The following NSD1 variants were observed in gnomAD, a reference collection of about 807,000 sequenced individuals.
The protein encoded by NSD1 is histone-lysine N-methyltransferase, H3 lysine-36 specific.
Under a neutral mutation model 242.7 loss-of-function variants are expected in NSD1, and 26 were observed. That is an observed-to-expected ratio of 0.11 (90% confidence interval 0.08 to 0.15). The LOEUF (loss-of-function observed/expected upper bound fraction) is 0.15, where lower values mean the gene tolerates loss of function less well. Among genes scored for constraint, NSD1 ranks in the 10% least tolerant of loss-of-function variants. NSD1 has a pLI of 1.00. For missense variants in NSD1, 2,495 were observed against 3,272.8 expected, an observed-to-expected ratio of 0.76 and a Z score of 5.80; for synonymous variants, 1,106 against 1,178.1, an observed-to-expected ratio of 0.94 and a Z score of 1.25.
At chr5:177,273,895 A>T in intron 17 of NSD1, 111 bp downstream of exon 17, 1 of 736,110 alleles carries the variant, frequency 1.4e-6, no homozygotes, top group Non-Finnish European at 2.4e-6. Context: ...TTTTAGGTAG[A>T]GGTATGAGCT....
intron 15 of NSD1, among the ~76,000 whole-genome samples, chr5:177,268,880 A>G (rs768673202): frequency 9.2e-5 from 14 of 152,056 alleles, no homozygotes; most frequent in Non-Finnish European, 1.6e-4. Flanking sequence ...TGTCTAGTTC[A>G]CTTATCCATT....
At position 177,238,123 on chromosome 5, in the gene NSD1, C is replaced by T; in HGVS notation, c.3922-114C>T. ...ATACATAATGTCTTCAAGGTTCATC[C>T]ACTTTTTGTAGCCTTTGTCAGAATT... is the stretch of plus-strand genomic sequence containing the variant. On this transcript the variant is annotated intron_variant, in intron 6 of 22. Transcript: ENST00000439151. This position sits in a 1 kb window ranked among gnomAD's most constrained non-coding sequence, Gnocchi z 4.6. 1.7e-6 allele frequency: 2 copies of T among 1,183,122 alleles called. No homozygotes were observed. The highest frequency in any genetic ancestry group is 1.2e-5 in the South Asian group (1 of 80,910). The allele number at this position is 1,183,122 out of a possible 1,614,324, so 73.3% of individuals were successfully genotyped here.
intron 3 of NSD1, among the ~76,000 whole-genome samples, chr5:177,203,159 G>A (rs572265959): frequency 9.2e-5 from 14 of 152,108 alleles, no homozygotes; most frequent in Middle Eastern, 3.4e-3. Context: ...ATGAATTTTC[G>A]TATAAAATGA....
chr5:177,279,623 T>A (rs1301574134), intron 17 of NSD1, among the ~76,000 whole-genome samples: 2 of 115,604 alleles, frequency 1.7e-5, no homozygotes, highest in Non-Finnish European at 3.7e-5. Flanking sequence ...TTTTTTTTTT[T>A]TTTTTTTTTT....
At chr5:177,175,270 A>C (rs138217600) in intron 2 of NSD1, among the ~76,000 whole-genome samples, 2 of 152,266 alleles carry the variant, frequency 1.3e-5, no homozygotes, top group East Asian at 3.9e-4. Flanking sequence ...GGTTATGCTT[A>C]ATTTTCCGTA....
rs543564086 is a variant in NSD1 at position 177,231,197 on chromosome 5, C to T, written c.3797-4624C>T. The stretch of plus-strand genomic sequence containing the variant: ...AACTCCTGGGCTCAAGTGATCCTCC[C>T]GCCTTAGCCTCCCAAATAGCTGGGA... On this transcript the variant is annotated intron_variant, in intron 5 of 22. Coordinates refer to ENST00000439151, the MANE Select transcript of NSD1 (RefSeq NM_022455.5). Among the ~76,000 whole-genome samples the T allele has an allele frequency of 5.4e-4, 82 of 152,042 alleles. 1 individual carries two copies. Among genetic ancestry groups the T allele is most frequent in the African/African-American group, 1.8e-3 (75 of 41,476 alleles).
At chr5:177,171,017 T>TAA (rs569914153) in intron 2 of NSD1, among the ~76,000 whole-genome samples, 6 of 136,420 alleles carry the variant, frequency 4.4e-5, no homozygotes, top group African/African-American at 1.6e-4. Flanking sequence ...TTTACCATGT[T>TAA]AAAAAAAAAA....
chr5:177,256,817 G>A (rs913611979), intron 12 of NSD1, 134 bp from the exon 13 acceptor site: 1 of 724,522 alleles, frequency 1.4e-6, no homozygotes, highest in African/African-American at 1.7e-5. Flanking sequence ...ATAATACTAA[G>A]ATTGTTACAG....
rs1321135476 is a variant in NSD1, at chr5:177,134,227, G to A, written c.-18+275G>A. The A allele has an allele frequency of 6.6e-6, 1 of 151,242 alleles. No homozygotes were observed. The highest frequency in any genetic ancestry group is 2.4e-5 in the African/African-American group (1 of 41,100). 9.4% of individuals were successfully genotyped at this position (151,242 alleles called of 1,614,324 possible). On this transcript the variant is annotated intron_variant, in intron 1 of 22. Coordinates refer to ENST00000439151, the MANE Select transcript of NSD1 (RefSeq NM_022455.5). This position sits in a 1 kb window ranked among gnomAD's most constrained non-coding sequence, Gnocchi z 4.2. ...CCCGCCGGCCGCCTGCGAACACCTC[G>A]GCCTCCGCCTCCCCTCAGGTAGCAG...
rs1455960968 is a variant in NSD1, at chr5:177,293,800, C to A, written c.6464-32C>A. 4 of 1,612,350 alleles carry A rather than the reference C, an allele frequency of 2.5e-6. No individual in the cohort carries two copies. In the East Asian group the frequency reaches 8.9e-5, roughly 36 times the overall value. ...CCCATGTGATATGTATCTCTTTTTT[C>A]CTAAACTTTTGATTTACTTCTGTGT... On this transcript the variant is annotated intron_variant, in intron 22 of 22. Transcript: ENST00000439151.
chr5:177,212,049 C>T lies in NSD1; in HGVS notation c.3650C>T (p.Pro1217Leu). Residue 1217 changes from proline to leucine, a missense_variant, in exon 5 of 23, where the codon CCA becomes CTA. Pro to Leu is a moderately conservative substitution (Grantham distance 98, BLOSUM62 -3). Transcript: ENST00000439151. The part of the protein sequence containing the change: ...RTPSASILEE[P>L]LTEQNHADCL... ...CCTTCAGCAAGCATACTTGAGGAACCACTGACAGAGCAAAATCATGCTGAC... is the reference window on the plus strand; with the variant it reads ...CCTTCAGCAAGCATACTTGAGGAACTACTGACAGAGCAAAATCATGCTGAC... The T allele has an allele frequency of 6.2e-7, 1 of 1,614,058 alleles. No homozygotes were observed. The highest frequency in any genetic ancestry group is 8.5e-7 in the Non-Finnish European group (1 of 1,180,010).
chr5:177,147,022 A>G (rs1198409766), intron 2 of NSD1, among the ~76,000 whole-genome samples: 1 of 144,814 alleles, frequency 6.9e-6, no homozygotes, highest in African/African-American at 2.6e-5. Flanking sequence ...AAAAAAAAAA[A>G]GTTGCTAAAC....
chr5:177,272,267 T>C (rs28715668), intron 16 of NSD1, among the ~76,000 whole-genome samples: 130,069 of 151,924 alleles, frequency 0.86, 56,166 homozygotes, highest in Middle Eastern at 0.91. Context: ...TGAATAATGT[T>C]CTAGTCTACC....
intron 3 of NSD1, among the ~76,000 whole-genome samples, chr5:177,198,295 A>C (rs1485335827): frequency 6.6e-6 from 1 of 152,078 alleles, no homozygotes; most frequent in Non-Finnish European, 1.5e-5. Context: ...CAACGTGCTG[A>C]GATTACAGGT....
At chr5:177,136,107 A>G in intron 2 of NSD1, 77 bp downstream of exon 2, 3 of 1,368,808 alleles carry the variant, frequency 2.2e-6, no homozygotes, top group Non-Finnish European at 2.0e-6. Flanking sequence ...ACTTGTAACA[A>G]ATTTGTTTTT....
In NSD1 at chr5:177,291,980, G is replaced by A. The variant is rs1375466482; in HGVS notation, c.6285G>A (p.Lys2095=). The A allele has an allele frequency of 1.2e-6, 2 of 1,613,786 alleles. No homozygotes were observed. Among genetic ancestry groups the A allele is most frequent in the Admixed American group, 3.3e-5 (2 of 59,910 alleles). ...ATCAACCCATTGCCACGGAAGAAAA[G>A]TCAAAGAAATTCAAGAAGAAGCAAC... is the stretch of plus-strand genomic sequence containing the variant. The part of the protein sequence containing the change: ...PKNQPIATEE[K]SKKFKKKQQG... Residue 2095 remains lysine, a synonymous_variant, in exon 22 of 23, where the codon AAG becomes AAA. Coordinates refer to ENST00000439151, the MANE Select transcript of NSD1 (RefSeq NM_022455.5).
At chr5:177,170,769 A>G (rs1447934234) in intron 2 of NSD1, among the ~76,000 whole-genome samples, 1 of 152,136 alleles carries the variant, frequency 6.6e-6, no homozygotes, top group African/African-American at 2.4e-5. Context: ...TTCTATACCA[A>G]AGTTTTTCAA....
chr5:177,149,292 C>G (rs11950938), intron 2 of NSD1, among the ~76,000 whole-genome samples: 3,847 of 151,456 alleles, frequency 0.025, 49 homozygotes, highest in African/African-American at 0.029. Flanking sequence ...CATCTCGGTT[C>G]ACTGCAACCT....
chr5:177,139,572 C>T (rs1409056538), intron 2 of NSD1, among the ~76,000 whole-genome samples: 1 of 152,038 alleles, frequency 6.6e-6, no homozygotes, highest in African/African-American at 2.4e-5. Context: ...AACTTGTTCA[C>T]AGTTGATTTA....
Sources: allele counts gnomAD v4.1 joint callset (sites outside exome capture counted in the v4.1 genomes callset), GRCh38; gene constraint gnomAD v4.1.1; non-coding constraint Gnocchi (gnomAD v3.1); transcripts MANE v1.5; gene names NCBI Gene and HGNC (gene_info 2026-07-23, HGNC 2026-07-21).